The following GAREM1 variants were observed in gnomAD, a reference collection of about 807,000 sequenced individuals.
The protein encoded by GAREM1 is GRB2-associated and regulator of MAPK protein 1.
GAREM1 carries 26 observed loss-of-function variants against 71.3 expected under a neutral mutation model. The ratio of observed to expected loss-of-function variants is 0.36; its 90% CI spans 0.27 to 0.51. The LOEUF (loss-of-function observed/expected upper bound fraction) is 0.51. GAREM1 is among the 20% of genes least tolerant of loss of function. The pLI, the probability that GAREM1 is intolerant of heterozygous loss-of-function variation, is 0.95. For missense variants in GAREM1, 1,026 were observed against 1,103.1 expected (o/e 0.93, Z 0.99); for synonymous variants, 440 against 433.2 (o/e 1.02, Z -0.20).
intron 3 of GAREM1, among the ~76,000 whole-genome samples, chr18:32,303,739 G>C (rs2047221772): frequency 6.6e-6 from 1 of 151,864 alleles, no homozygotes; most frequent in African/African-American, 2.4e-5. Flanking sequence ...GCAACACTGT[G>C]AGATGCTCAT....
Position 32,268,678 on chromosome 18 carries a change from C to T in GAREM1, c.1824G>A (p.Leu608=). Residue 608 remains leucine (L), a synonymous_variant, in exon 6 of 6, where the codon CTG becomes CTA. Transcript: ENST00000269209. ...CNRVKTDSVD[L]KSPFGSPSAE... ...CAGAAGGACTTCCAAACGGGGATTT[C>T]AGGTCCACAGAATCAGTTTTCACTC... 1 of 1,614,140 alleles carries T rather than the reference C, an allele frequency of 6.2e-7. No individual in the cohort carries two copies.
chr18:32,433,075 CT>C (rs1473087066), intron 1 of GAREM1, among the ~76,000 whole-genome samples: 1 of 151,710 alleles, frequency 6.6e-6, no homozygotes, highest in East Asian at 1.9e-4. Context: ...TCAATGCCAA[CT>C]GGAATTTAGC....
chr18:32,468,202 G>C (rs939801711), intron 1 of GAREM1, among the ~76,000 whole-genome samples: 4 of 152,156 alleles, frequency 2.6e-5, no homozygotes, highest in Non-Finnish European at 5.9e-5. Flanking sequence ...AAAACTCCCA[G>C]ATGTATGTAC....
intron 1 of GAREM1, among the ~76,000 whole-genome samples, chr18:32,464,852 A>G (rs192528343): frequency 1.3e-5 from 2 of 152,338 alleles, no homozygotes; most frequent in South Asian, 2.1e-4. Context: ...AAGCACCACA[A>G]AGACATACAG....
At chr18:32,347,597 G>C (rs1005081531) in intron 2 of GAREM1, among the ~76,000 whole-genome samples, 1 of 152,166 alleles carries the variant, frequency 6.6e-6, no homozygotes, top group Non-Finnish European at 1.5e-5. Flanking sequence ...CTTTCCTAAA[G>C]CAAACTGGGT....
chr18:32,303,623 TAA>T (rs1254109207), intron 3 of GAREM1, among the ~76,000 whole-genome samples: 3 of 152,158 alleles, frequency 2.0e-5, no homozygotes, highest in Non-Finnish European at 4.4e-5. Flanking sequence ...AAGTATTACA[TAA>T]AGAGTAAGCA....
intron 2 of GAREM1, among the ~76,000 whole-genome samples, chr18:32,312,397 G>C (rs58863502): frequency 0.1 from 15,206 of 152,048 alleles, 1,129 homozygotes; most frequent in African/African-American, 0.21. Context: ...AATGGTGAGT[G>C]GGTGTCAAAT....
chr18:32,404,693 T>G (rs561324534), intron 1 of GAREM1, among the ~76,000 whole-genome samples: 1 of 152,232 alleles, frequency 6.6e-6, no homozygotes, highest in Non-Finnish European at 1.5e-5. Flanking sequence ...ACTTTGCAAA[T>G]ATATAATCTT....
At chr18:32,353,880 G>A (rs954695823) in intron 2 of GAREM1, among the ~76,000 whole-genome samples, 7 of 152,098 alleles carry the variant, frequency 4.6e-5, no homozygotes, top group African/African-American at 1.7e-4. Context: ...AGAGAAGGGA[G>A]AACTAAAATG....
intron 2 of GAREM1, among the ~76,000 whole-genome samples, chr18:32,367,516 T>C (rs926948383): frequency 6.6e-6 from 1 of 152,244 alleles, no homozygotes; most frequent in Admixed American, 6.5e-5. Flanking sequence ...TATGCTCCTT[T>C]GAGAAATTTC....
rs542988314 is a variant in GAREM1 at position 32,291,318 on chromosome 18, A to C, written c.394-3115T>G. ...ACATTTTCTTTTTATTTTTGTTACCAAAAAAAAAAAAAAAAACCAAAAACA... is the reference window on the plus strand; with the variant it reads ...ACATTTTCTTTTTATTTTTGTTACCCAAAAAAAAAAAAAAAACCAAAAACA... On this transcript the variant is annotated intron_variant, in intron 3 of 5. Coordinates refer to ENST00000269209, the MANE Select transcript of GAREM1 (RefSeq NM_001242409.2). Among the ~76,000 whole-genome samples the C allele has an allele frequency of 2.5e-3, 311 of 125,288 alleles. 2 individuals carry two copies. The highest frequency in any genetic ancestry group is 9.7e-3 in the African/African-American group (297 of 30,648). The allele number at this position is 125,288 out of a possible 152,430, so 82.2% of individuals were successfully genotyped here. A position where few individuals can be genotyped will look rare whatever the true frequency, so the allele number is the denominator to read the frequency against.
chr18:32,388,543 C>T (rs576873461), intron 2 of GAREM1, among the ~76,000 whole-genome samples: 1 of 152,068 alleles, frequency 6.6e-6, no homozygotes, highest in South Asian at 2.1e-4. Flanking sequence ...ATACGTTAAC[C>T]AAGTGATCAA....
In GAREM1 at chr18:32,356,109, G is replaced by T. The variant is rs547552212; in HGVS notation, c.262+36786C>A. On this transcript the variant is annotated intron_variant, in intron 2 of 5. Transcript: ENST00000269209. ...ATCTGGCTTCTTGGTTTGTTTTAAG[G>T]AGCAAAATGAGAAAGGAATGAATCA... is the stretch of plus-strand genomic sequence containing the variant. Among the ~76,000 whole-genome samples the T allele has an allele frequency of 3.9e-4, 59 of 152,234 alleles. No individual in the cohort carries two copies. In the South Asian group the frequency reaches 0.012, roughly 31 times the overall value.
chr18:32,386,649 C>A (rs1157739488), intron 2 of GAREM1, among the ~76,000 whole-genome samples: 2 of 152,178 alleles, frequency 1.3e-5, no homozygotes, highest in Non-Finnish European at 2.9e-5. Context: ...ATGATGACAG[C>A]AAGCTTGCCA....
intron 2 of GAREM1, among the ~76,000 whole-genome samples, chr18:32,370,089 G>T (rs1232207131): frequency 6.6e-6 from 1 of 152,150 alleles, no homozygotes; most frequent in Non-Finnish European, 1.5e-5. Context: ...CTACTTCATG[G>T]CAATTTTAAA....
At chr18:32,403,647 C>T (rs1424325164) in intron 1 of GAREM1, among the ~76,000 whole-genome samples, 1 of 152,006 alleles carries the variant, frequency 6.6e-6, no homozygotes, top group East Asian at 1.9e-4. Context: ...CCAATCACAA[C>T]TCACTGTAGC....
intron 4 of GAREM1, among the ~76,000 whole-genome samples, chr18:32,274,356 A>C (rs1479295926): frequency 2.0e-5 from 3 of 152,162 alleles, no homozygotes; most frequent in African/African-American, 7.2e-5. Context: ...CTTTAGATGA[A>C]TTTTATCTGT....
intron 1 of GAREM1, chr18:32,412,455 C>A (rs8085402): frequency 6.3e-7 from 1 of 1,590,088 alleles, no homozygotes; most frequent in South Asian, 1.1e-5. Flanking sequence ...AGAGCCATCC[C>A]CACTGCCACC....
At chr18:32,302,698 G>A (rs967438686) in intron 3 of GAREM1, among the ~76,000 whole-genome samples, 17 of 152,168 alleles carry the variant, frequency 1.1e-4, no homozygotes, top group Non-Finnish European at 2.4e-4. Context: ...GGCTGTCAGA[G>A]GCTGGAGAGT....
Sources: gnomAD v4.1 joint callset for allele counts (sites outside exome capture counted in the v4.1 genomes callset) on GRCh38, gnomAD v4.1.1 for gene constraint, MANE v1.5 for transcripts, NCBI Gene and HGNC (gene_info 2026-07-23, HGNC 2026-07-21) for gene names.